Variants in ZNF827 observed in about 807,000 individuals in gnomAD.
The protein encoded by ZNF827 is zinc finger protein 827.
ZNF827 carries 13 observed loss-of-function variants against 102.4 expected under a neutral mutation model. The observed-to-expected ratio is 0.13, with a 90% CI of 0.08 to 0.20. The LOEUF (loss-of-function observed/expected upper bound fraction) is 0.20, where lower values mean the gene tolerates loss of function less well. ZNF827 is among the 10% of genes least tolerant of loss of function. The pLI, the probability that ZNF827 is intolerant of heterozygous loss-of-function variation, is 1.00. For synonymous variants in ZNF827, 523 were observed against 536.2 expected, an observed-to-expected ratio of 0.98 and a Z score of 0.34; for missense variants, 1,103 against 1,344.4, an observed-to-expected ratio of 0.82 and a Z score of 2.81.
chr4:145,832,459 A>G (rs1744319546), intron 7 of ZNF827: 1 of 152,130 alleles, frequency 6.6e-6, no homozygotes, highest in South Asian at 2.1e-4. Context: ...TTTAATGATA[A>G]GCACAGAGTT....
intron 8 of ZNF827, among the ~76,000 whole-genome samples, chr4:145,795,722 TA>T (rs1740316900): frequency 6.6e-6 from 1 of 152,204 alleles, no homozygotes; most frequent in African/African-American, 2.4e-5. Flanking sequence ...ATGTAAGAGC[TA>T]AATCCCTACA....
In ZNF827 at chr4:145,860,504, G is replaced by A. The variant is rs895629609; in HGVS notation, c.1981+9741C>T. The stretch of plus-strand genomic sequence containing the variant: ...ATTTATTCTTTAAACAGTGACCCTC[G>A]CCATCTGATTTTGTACCTAAGATAA... On this transcript the variant is annotated intron_variant, in intron 5 of 14. Coordinates refer to ENST00000508784, the MANE Select transcript of ZNF827 (RefSeq NM_001306215.2). Among the ~76,000 whole-genome samples, 99 of 152,136 alleles carry A rather than the reference G, an allele frequency of 6.5e-4. 1 individual carries two copies. Among genetic ancestry groups the A allele is most frequent in the African/African-American group, 2.1e-3 (89 of 41,432 alleles).
chr4:145,918,072 T>G (rs909454373), intron 1 of ZNF827, among the ~76,000 whole-genome samples: 1 of 152,176 alleles, frequency 6.6e-6, no homozygotes, highest in Non-Finnish European at 1.5e-5. Flanking sequence ...ATTACGGTTT[T>G]GCCATTACTT....
In ZNF827 at chr4:145,765,049, T is replaced by G; in HGVS notation, c.3169A>C (p.Lys1057Gln). The G allele has an allele frequency of 6.2e-7, 1 of 1,614,228 alleles. No homozygotes were observed. The highest frequency in any genetic ancestry group is 8.5e-7 in the Non-Finnish European group (1 of 1,180,044). The change falls in exon 13 of 15, where the codon AAG becomes CAG. Residue 1057 changes from lysine to glutamine, a missense_variant. By Grantham distance (53) the Lys-to-Gln change is moderately conservative. This residue lies in a region of ZNF827 where 242 missense variants were observed against 361.9 expected (regional missense o/e 0.67). Coordinates refer to ENST00000508784, the MANE Select transcript of ZNF827 (RefSeq NM_001306215.2). This position sits in a 1 kb window ranked among gnomAD's most constrained non-coding sequence, Gnocchi z 4.7. ...FECDVCHKFM[K>Q]TPEQLLEHKK... ...TGCTCCAGCAGCTGTTCGGGGGTCT[T>G]CATGAACTTGTGGCACACATCACAC...
intron 10 of ZNF827, among the ~76,000 whole-genome samples, chr4:145,775,110 G>C (rs1028658177): frequency 6.6e-6 from 1 of 152,140 alleles, no homozygotes; most frequent in Admixed American, 6.5e-5. Flanking sequence ...TAGTAGCAAT[G>C]AAAGCACCTA....
intron 7 of ZNF827, among the ~76,000 whole-genome samples, chr4:145,841,926 A>C (rs12645362): frequency 0.4 from 61,212 of 151,926 alleles, 14,218 homozygotes; most frequent in Non-Finnish European, 0.51. Flanking sequence ...GATAAAAAAA[A>C]AAAACAAAAC....
chr4:145,846,160 C>T, intron 6 of ZNF827, 147 bp from the exon 7 acceptor site: 1 of 754,000 alleles, frequency 1.3e-6, no homozygotes, highest in Non-Finnish European at 2.2e-6. Flanking sequence ...CAGATCCTCC[C>T]CATCTTACTG....
At chr4:145,847,385 A>T (rs766408000) in intron 6 of ZNF827, among the ~76,000 whole-genome samples, 4 of 152,182 alleles carry the variant, frequency 2.6e-5, no homozygotes, top group African/African-American at 9.7e-5. Context: ...CAGTTGTTGC[A>T]ACTGTTCCGC....
chr4:145,871,698 A>C (rs967609106), intron 4 of ZNF827, among the ~76,000 whole-genome samples: 2 of 152,182 alleles, frequency 1.3e-5, no homozygotes, highest in South Asian at 4.1e-4. Context: ...CCCCGAAGCA[A>C]ACATCTATCA....
At chr4:145,833,327 T>C (rs192098651) in intron 7 of ZNF827, among the ~76,000 whole-genome samples, 6,326 of 152,160 alleles carry the variant, frequency 0.042, 406 homozygotes, top group African/African-American at 0.14. Context: ...CCCAAAACTC[T>C]GGCGCCAGTC....
rs184655474 is a variant in ZNF827 at position 145,891,724 on chromosome 4, G to C, written c.1266+519C>G. On this transcript the variant is annotated intron_variant, in intron 3 of 14. Coordinates refer to ENST00000508784, the MANE Select transcript of ZNF827 (RefSeq NM_001306215.2). ...TCCCACAGGGCTAAATAAAGTTAAA[G>C]GCCCGGTGCCTTCACTGTCTTCATG... Among the ~76,000 whole-genome samples, 98 of 152,270 alleles carry C rather than the reference G, an allele frequency of 6.4e-4. 1 individual carries two copies. In the East Asian group the frequency reaches 0.018, roughly 28 times the overall value.
At chr4:145,865,810 A>G (rs745437601) in intron 5 of ZNF827, among the ~76,000 whole-genome samples, 6 of 152,120 alleles carry the variant, frequency 3.9e-5, no homozygotes, top group South Asian at 4.1e-4. Context: ...GCAATCCCAC[A>G]TGGCTAATGG....
intron 7 of ZNF827, among the ~76,000 whole-genome samples, chr4:145,838,720 G>C (rs935525556): frequency 6.6e-6 from 1 of 152,024 alleles, no homozygotes; most frequent in Non-Finnish European, 1.5e-5. Context: ...ATATGTAGTA[G>C]GACTCAGTTA....
rs1439115066 is a variant in ZNF827, at chr4:145,823,453, G to A, written c.2352C>T (p.Asp784=). 1.2e-6 allele frequency: 2 copies of A among 1,613,146 alleles called. No homozygotes were observed. The highest frequency in any genetic ancestry group is 2.2e-5 in the East Asian group (1 of 44,842). Residue 784 remains aspartate, a synonymous_variant, in exon 8 of 15, where the codon GAC becomes GAT. Transcript: ENST00000508784. The part of the protein sequence containing the change: ...TSNSKELLPS[D]SVLHGRISAP... Reference sequence around the variant, plus strand: ...CTGATATTCTTCCGTGCAGCACGGAGTCACTGGGCAGCAGTTCTTTTGAAT... The same window carrying A: ...CTGATATTCTTCCGTGCAGCACGGAATCACTGGGCAGCAGTTCTTTTGAAT...
At chr4:145,922,632 A>G (rs554793699) in intron 1 of ZNF827, among the ~76,000 whole-genome samples, 13 of 152,382 alleles carry the variant, frequency 8.5e-5, no homozygotes, top group Admixed American at 6.5e-5. Flanking sequence ...AATGAAATAC[A>G]TGCATAAAGC....
intron 8 of ZNF827, among the ~76,000 whole-genome samples, chr4:145,797,961 T>C (rs1341269043): frequency 1.3e-5 from 2 of 152,208 alleles, no homozygotes. Flanking sequence ...AAAAATAATA[T>C]GAATTGCCAA....
At chr4:145,893,202 C>G (rs1013242106) in intron 2 of ZNF827, among the ~76,000 whole-genome samples, 2 of 152,210 alleles carry the variant, frequency 1.3e-5, no homozygotes, top group Non-Finnish European at 2.9e-5. Context: ...ACTACCTCCT[C>G]CAAATAAAGC....
intron 6 of ZNF827, among the ~76,000 whole-genome samples, chr4:145,846,347 G>GC (rs1745937230): frequency 6.6e-6 from 1 of 152,146 alleles, no homozygotes; most frequent in Non-Finnish European, 1.5e-5. Context: ...GGATGGTGGT[G>GC]GGCATCTATG....
At position 145,886,140 on chromosome 4, in the gene ZNF827, G is replaced by C. The variant is rs1475167779; in HGVS notation, c.1285C>G (p.Arg429Gly). 1.9e-6 allele frequency: 3 copies of C among 1,601,720 alleles called. No individual in the cohort carries two copies. The South Asian group carries it at 3.4e-5, about 18-fold the overall frequency. The change falls in exon 4 of 15, where the codon CGG becomes GGG. Residue 429 changes from arginine to glycine, a missense_variant. Physicochemically the swap from Arg to Gly is moderately radical, Grantham distance 125 (BLOSUM62 -2). Transcript: ENST00000508784. ...AGCTGGCACTGAAAGGTCTCTCCCC[G>C]ATCCTGGTGCTGATGAACCTGACGG... The part of the protein sequence containing the change: ...SHMKVHQHQD[R>G]GETFQCQLCP...
Sources: allele counts gnomAD v4.1 joint callset (sites outside exome capture counted in the v4.1 genomes callset), GRCh38; gene constraint gnomAD v4.1.1; regional missense constraint gnomAD v4.1.1; non-coding constraint Gnocchi (gnomAD v3.1); transcripts MANE v1.5; gene names NCBI Gene and HGNC (gene_info 2026-07-23, HGNC 2026-07-21).